The following SYT1 variants were observed in gnomAD, a reference collection of about 807,000 sequenced individuals.
SYT1 encodes the protein synaptotagmin-1.
A neutral mutation model predicts 44.8 loss-of-function variants in SYT1; 8 were observed. That is an observed-to-expected ratio of 0.18 (90% CI 0.10 to 0.32). The LOEUF (loss-of-function observed/expected upper bound fraction) is 0.32. Ranked by LOEUF, SYT1 falls within the 10% of genes least tolerant of loss-of-function variation. The pLI, the probability that SYT1 is intolerant of heterozygous loss-of-function variation, is 1.00. For missense variants in SYT1, 286 were observed against 509.3 expected (o/e 0.56, Z 4.22); for synonymous variants, 154 against 188.8 (o/e 0.82, Z 1.51).
chr12:79,071,168 A>G (rs868184248), intron 3 of SYT1, among the ~76,000 whole-genome samples: 4 of 152,166 alleles, frequency 2.6e-5, no homozygotes, highest in Admixed American at 2.6e-4. Context: ...AATAGAATTC[A>G]GGGTGTGTGT....
At chr12:79,355,880 C>G (rs1197527515) in intron 9 of SYT1, among the ~76,000 whole-genome samples, 1 of 152,024 alleles carries the variant, frequency 6.6e-6, no homozygotes, top group Non-Finnish European at 1.5e-5. Flanking sequence ...TAAAACAGTG[C>G]AAAAGACCCT....
At chr12:78,873,159 A>G (rs568538423) in intron 1 of SYT1, among the ~76,000 whole-genome samples, 2 of 151,214 alleles carry the variant, frequency 1.3e-5, no homozygotes, top group Non-Finnish European at 3.0e-5. Context: ...AATGAAGGAG[A>G]CTCAAGTGTT....
intron 8 of SYT1, among the ~76,000 whole-genome samples, chr12:79,318,845 A>C (rs1425247582): frequency 6.6e-6 from 1 of 152,232 alleles, no homozygotes; most frequent in Non-Finnish European, 1.5e-5. Flanking sequence ...AAAAAACAAA[A>C]ACAGAGTGAG....
At chr12:79,164,561 G>A (rs981543101) in intron 3 of SYT1, among the ~76,000 whole-genome samples, 1 of 151,968 alleles carries the variant, frequency 6.6e-6, no homozygotes, top group Non-Finnish European at 1.5e-5. Context: ...AAACAATATA[G>A]AGAGAAATCC....
At chr12:79,052,747 C>A (rs1400214187) in intron 3 of SYT1, among the ~76,000 whole-genome samples, 3 of 152,106 alleles carry the variant, frequency 2.0e-5, no homozygotes, top group Non-Finnish European at 4.4e-5. Flanking sequence ...CCAACAGACA[C>A]ATGAAAAAAT....
At chr12:79,001,792 G>C (rs571175313) in intron 2 of SYT1, among the ~76,000 whole-genome samples, 3 of 152,106 alleles carry the variant, frequency 2.0e-5, no homozygotes, top group Non-Finnish European at 4.4e-5. Context: ...CTTGCTGAAA[G>C]GTACAGACTT....
intron 8 of SYT1, among the ~76,000 whole-genome samples, chr12:79,349,205 G>A (rs912762033): frequency 1.3e-5 from 2 of 150,012 alleles, no homozygotes; most frequent in African/African-American, 2.5e-5. Flanking sequence ...GGGGAAGGAA[G>A]GAACGATGGA....
chr12:79,322,401 GATT>G (rs1565907999), intron 8 of SYT1, among the ~76,000 whole-genome samples: 2 of 151,952 alleles, frequency 1.3e-5, no homozygotes. Flanking sequence ...CATCTGTTTG[GATT>G]AACTTTCATG....
chr12:79,444,472 A>C (rs948855025), intron 10 of SYT1, among the ~76,000 whole-genome samples: 2 of 152,208 alleles, frequency 1.3e-5, no homozygotes, highest in African/African-American at 4.8e-5. Context: ...CAACTCTGCT[A>C]ACTCAAAAAG....
intron 9 of SYT1, among the ~76,000 whole-genome samples, chr12:79,402,795 G>A (rs1448498115): frequency 1.3e-5 from 2 of 152,196 alleles, no homozygotes; most frequent in African/African-American, 4.8e-5. Flanking sequence ...GCATTCATTA[G>A]TTAAAATCCT....
chr12:78,967,734 C>T (rs1186665211), intron 1 of SYT1, among the ~76,000 whole-genome samples: 1 of 152,002 alleles, frequency 6.6e-6, no homozygotes, highest in African/African-American at 2.4e-5. Flanking sequence ...CAAAGATATA[C>T]AGCATAGCAG....
intron 3 of SYT1, among the ~76,000 whole-genome samples, chr12:79,186,514 G>C (rs1454020154): frequency 6.6e-6 from 1 of 151,986 alleles, no homozygotes; most frequent in Non-Finnish European, 1.5e-5. Context: ...GGTCTAGAAA[G>C]CAAATTGAAC....
rs1391044499 is a variant in SYT1, at chr12:79,338,683, T to TA, written c.811-14818dup. Reference sequence around the variant, plus strand: ...TTCCCTCCCTCCCTCCCTTTTTTTTTATTATACTTTAAGTTCTAGGGTACA... The same window carrying TA: ...TTCCCTCCCTCCCTCCCTTTTTTTTTAATTATACTTTAAGTTCTAGGGTACA... On this transcript the variant is annotated intron_variant, in intron 8 of 10. Coordinates refer to ENST00000261205, the MANE Select transcript of SYT1 (RefSeq NM_005639.3). Among the ~76,000 whole-genome samples, 5 of 150,676 alleles carry TA rather than the reference T, an allele frequency of 3.3e-5. No homozygotes were observed. The East Asian group carries it at 7.8e-4, about 24-fold the overall frequency.
chr12:79,314,072 G>A (rs1880953550), intron 8 of SYT1, among the ~76,000 whole-genome samples: 4 of 149,460 alleles, frequency 2.7e-5, no homozygotes, highest in Admixed American at 2.7e-4. Flanking sequence ...GGGAGGCTGA[G>A]GCAGGAGAAT....
rs1870942386 is a variant in SYT1, at chr12:79,449,748, T to G, written c.*624T>G. On this transcript the variant is annotated 3_prime_UTR_variant, in exon 11 of 11. Transcript: ENST00000261205. ...TTCCTACACAGGCAAAATAGCATGA[T>G]CTGAGCAGCAGCATCCAGGCTGACC... is the stretch of plus-strand genomic sequence containing the variant. The G allele has an allele frequency of 6.6e-6, 1 of 152,382 alleles. No homozygotes were observed. Among genetic ancestry groups the G allele is most frequent in the Non-Finnish European group, 1.5e-5 (1 of 68,196 alleles). 9.4% of individuals were successfully genotyped at this position (152,382 alleles called of 1,614,324 possible).
intron 3 of SYT1, among the ~76,000 whole-genome samples, chr12:79,173,095 T>C (rs1345613484): frequency 1.3e-5 from 2 of 148,378 alleles, no homozygotes; most frequent in African/African-American, 4.9e-5. Context: ...TAATAGCATC[T>C]CTACCTTTTC....
At chr12:79,416,742 C>G (rs1396314410) in intron 9 of SYT1, among the ~76,000 whole-genome samples, 3 of 152,086 alleles carry the variant, frequency 2.0e-5, no homozygotes, top group South Asian at 4.1e-4. Flanking sequence ...ATATTTCAAA[C>G]AGCAAACTAT....
At chr12:79,142,067 A>T (rs1394416838) in intron 3 of SYT1, among the ~76,000 whole-genome samples, 1 of 152,210 alleles carries the variant, frequency 6.6e-6, no homozygotes, top group Non-Finnish European at 1.5e-5. Flanking sequence ...CCAGGGAAGA[A>T]ATGGGTTCCA....
intron 3 of SYT1, among the ~76,000 whole-genome samples, chr12:79,095,751 G>C (rs977537049): frequency 4.6e-5 from 7 of 151,826 alleles, no homozygotes; most frequent in Non-Finnish European, 7.4e-5. Context: ...ACTGAGCAGA[G>C]TGACTTGTTC....
Sources: allele counts gnomAD v4.1 joint callset (sites outside exome capture counted in the v4.1 genomes callset), GRCh38; gene constraint gnomAD v4.1.1; transcripts MANE v1.5; gene names NCBI Gene and HGNC (gene_info 2026-07-23, HGNC 2026-07-21).